The following ZNF540 variants were observed in gnomAD, a reference collection of about 807,000 sequenced individuals.
ZNF540 encodes CTD-3064H18.6.
ZNF540 carries 3 observed loss-of-function variants against 11.8 expected under a neutral mutation model. The ratio of observed to expected loss-of-function variants is 0.25; its 90% CI spans 0.12 to 0.65. The LOEUF (loss-of-function observed/expected upper bound fraction) is 0.65, where lower values mean the gene tolerates loss of function less well. ZNF540 is among the 30% of genes least tolerant of loss of function. The pLI, the probability that ZNF540 is intolerant of heterozygous loss-of-function variation, is 0.83. For missense variants in ZNF540, 709 were observed against 793.1 expected (o/e 0.89, Z 1.27); for synonymous variants, 247 against 259.0 (o/e 0.95, Z 0.45).
chr19:37,558,710 ATCT>A (rs1422965903), intron 1 of ZNF540, among the ~76,000 whole-genome samples: 2 of 152,174 alleles, frequency 1.3e-5, no homozygotes, highest in Non-Finnish European at 2.9e-5. Context: ...TGTCTCTGTT[ATCT>A]TCTTAACACA....
intron 1 of ZNF540, among the ~76,000 whole-genome samples, chr19:37,578,827 C>T (rs1044131002): frequency 6.6e-6 from 1 of 152,244 alleles, no homozygotes; most frequent in African/African-American, 2.4e-5. Flanking sequence ...ACCGCACCTC[C>T]GCCTAAACTC....
chr19:37,564,945 T>A, intron 1 of ZNF540: 1 of 1,613,954 alleles, frequency 6.2e-7, no homozygotes, highest in South Asian at 1.1e-5. Flanking sequence ...CCTGTATGAA[T>A]TCTTTGATGA....
At chr19:37,571,411 G>A (rs893710518) in intron 1 of ZNF540, among the ~76,000 whole-genome samples, 7 of 151,962 alleles carry the variant, frequency 4.6e-5, no homozygotes, top group East Asian at 1.9e-4. Flanking sequence ...CAAAAGAATC[G>A]CCTGAACCCA....
rs1185735731 is a variant in ZNF540 at position 37,598,421 on chromosome 19, C to T, written c.-27C>T. ...TCCAGCAGAATAATCCTGCGGAAGA[C>T]TGAGCAGTTCTTGTGAGTGTAAAAC... On this transcript the variant is annotated 5_prime_UTR_variant, in exon 2 of 5. Transcript: ENST00000316433. The T allele has an allele frequency of 6.2e-7, 1 of 1,613,394 alleles. No homozygotes were observed. Among genetic ancestry groups the T allele is most frequent in the African/African-American group, 1.3e-5 (1 of 74,918 alleles).
chr19:37,557,864 T>G (rs2042677145), intron 1 of ZNF540, among the ~76,000 whole-genome samples: 1 of 152,124 alleles, frequency 6.6e-6, no homozygotes, highest in Admixed American at 6.6e-5. Context: ...CTTATCAGCC[T>G]CTTGGACTAG....
chr19:37,563,811 AATATATGT>A (rs60137271), intron 1 of ZNF540: 1,699 of 82,468 alleles, frequency 0.021, 62 homozygotes, highest in African/African-American at 0.04. Context: ...ACACATGTGG[AATATATGT>A]ATATATTCCA....
At chr19:37,599,158 C>T (rs1350355968) in intron 2 of ZNF540, among the ~76,000 whole-genome samples, 2 of 149,564 alleles carry the variant, frequency 1.3e-5, no homozygotes, top group Admixed American at 6.7e-5. Flanking sequence ...ATCTCCGTCT[C>T]GATTGATCAA....
At position 37,612,011 on chromosome 19, in the gene ZNF540, A is replaced by C. The variant is rs1275777315; in HGVS notation, c.731A>C (p.Glu244Ala). Residue 244 changes from glutamate (E) to alanine (A), a missense_variant, in exon 5 of 5, where the codon GAA becomes GCA. Physicochemically the swap from Glu to Ala is moderately radical, Grantham distance 107. Transcript: ENST00000316433. ...QRFHTGEKPY[E>A]CQECGKTFTL... is the part of the protein sequence containing the mutation. ...TTTCATACTGGTGAGAAACCCTATG[A>C]ATGTCAAGAATGTGGGAAGACCTTT... 1 of 1,613,702 alleles carries C rather than the reference A, an allele frequency of 6.2e-7. No homozygotes were observed. The highest frequency in any genetic ancestry group is 1.7e-5 in the Admixed American group (1 of 60,014).
chr19:37,561,308 A>G (rs2042715353), intron 1 of ZNF540, among the ~76,000 whole-genome samples: 2 of 152,142 alleles, frequency 1.3e-5, no homozygotes, highest in African/African-American at 4.8e-5. Flanking sequence ...AACCTTGGCT[A>G]CAGAAATTGT....
Position 37,565,919 on chromosome 19 carries a change from T to A in ZNF540, c.-73+14254T>A, listed in dbSNP as rs16973893. On this transcript the variant is annotated intron_variant, in intron 1 of 4. Transcript: ENST00000592533. Reference sequence around the variant, plus strand: ...TTTGCTAAAGGTATTCCTGTGTTTCTTAACTTCAGAGCATTTTTCTATATT... The same window carrying A: ...TTTGCTAAAGGTATTCCTGTGTTTCATAACTTCAGAGCATTTTTCTATATT... 882 of 1,613,924 alleles carry A rather than the reference T, an allele frequency of 5.5e-4. 1 individual carries two copies. In the African/African-American group the frequency reaches 0.01, roughly 19 times the overall value.
chr19:37,552,420 T>C (rs184313846), intron 1 of ZNF540, among the ~76,000 whole-genome samples: 1 of 152,354 alleles, frequency 6.6e-6, no homozygotes, highest in East Asian at 1.9e-4. Flanking sequence ...TATATCTTTA[T>C]AGATTTTCTA....
upstream of ZNF540, among the ~76,000 whole-genome samples, chr19:37,590,920 G>C (rs967261882): frequency 6.6e-6 from 1 of 151,906 alleles, no homozygotes; most frequent in Non-Finnish European, 1.5e-5. Context: ...GACAGTTACT[G>C]TTGTTTTCAA....
Position 37,613,251 on chromosome 19 carries a change from T to A in ZNF540, c.1971T>A (p.His657Gln). 6.7e-7 allele frequency: 1 copy of A among 1,492,614 alleles called. No individual in the cohort carries two copies. The highest frequency in any genetic ancestry group is 1.4e-5 in the African/African-American group (1 of 71,634). The allele number at this position is 1,492,614 out of a possible 1,614,324, so 92.5% of individuals were successfully genotyped here. A position where few individuals can be genotyped will look rare whatever the true frequency, so the allele number is the denominator to read the frequency against. The change falls in exon 5 of 5, where the codon CAT becomes CAA. Residue 657 changes from histidine to glutamine, a missense_variant. His to Gln is a conservative substitution (Grantham distance 24, BLOSUM62 0). Coordinates refer to ENST00000316433, the MANE Select transcript of ZNF540 (RefSeq NM_001172225.3). ...YSHLYQHQKTHNVI is the reference protein window; with the variant it reads ...YSHLYQHQKTQNVI ...ATCTTTATCAACATCAGAAAACTCA[T>A]AATGTAATTTAATATAAGAAAAGGT...
chr19:37,577,887 C>T (rs1216392967), intron 1 of ZNF540, among the ~76,000 whole-genome samples: 2 of 152,274 alleles, frequency 1.3e-5, no homozygotes, highest in African/African-American at 2.4e-5. Flanking sequence ...ATCCCCAACC[C>T]GGAGCCACAG....
At chr19:37,590,411 C>T (rs1211766669), upstream of ZNF540, among the ~76,000 whole-genome samples, 3 of 146,330 alleles carry the variant, frequency 2.1e-5, no homozygotes, top group African/African-American at 4.9e-5. Flanking sequence ...AGTGAGGCTC[C>T]GTTTCAAAAA....
At chr19:37,563,665 TG>T (rs2042749441) in intron 1 of ZNF540, 2 of 150,814 alleles carry the variant, frequency 1.3e-5, no homozygotes, top group African/African-American at 5.0e-5. Context: ...TGTATACATA[TG>T]GGGACTATAT....
At chr19:37,594,343 G>A (rs2043953741), upstream of ZNF540, 1 of 152,514 alleles carries the variant, frequency 6.6e-6, no homozygotes, top group Admixed American at 6.5e-5. Flanking sequence ...CAGGCGGCAG[G>A]TGAGCCCACC....
intron 1 of ZNF540, chr19:37,585,308 TTAAATA>T (rs1732191990): frequency 6.6e-6 from 1 of 152,254 alleles, no homozygotes; most frequent in Non-Finnish European, 1.5e-5. Flanking sequence ...GCTTGCTTGC[TTAAATA>T]TAATTACTTT....
intron 4 of ZNF540, among the ~76,000 whole-genome samples, chr19:37,608,370 A>G (rs1307447705): frequency 6.6e-6 from 1 of 151,970 alleles, no homozygotes; most frequent in Non-Finnish European, 1.5e-5. Context: ...GATCTTTAGC[A>G]TTTCTTTTTG....
Sources: gnomAD v4.1 joint callset for allele counts (sites outside exome capture counted in the v4.1 genomes callset) on GRCh38, gnomAD v4.1.1 for gene constraint, MANE v1.5 for transcripts, NCBI Gene and HGNC (gene_info 2026-07-23, HGNC 2026-07-21) for gene names.